GLRA2: variants seen among roughly 807,000 people sequenced by gnomAD.
GLRA2 encodes glycine receptor alpha 2.
In GLRA2, 11 loss-of-function variants were observed where a neutral mutation model predicts 31.6. The observed-to-expected ratio is 0.35, with a 90% confidence interval of 0.22 to 0.58. The LOEUF (loss-of-function observed/expected upper bound fraction) is 0.58, where lower values mean the gene tolerates loss of function less well. GLRA2 is among the 20% of genes least tolerant of loss of function. The pLI is 0.84. For missense variants in GLRA2, 212 were observed against 351.8 expected (o/e 0.60, Z 3.18); for synonymous variants, 132 against 134.0 (o/e 0.99, Z 0.10).
chrX:14,682,399 T>G lies in GLRA2; in HGVS notation c.931-8311T>G, dbSNP rs1308886301. Among the ~76,000 whole-genome samples the G allele has an allele frequency of 5.4e-5, 6 of 111,232 alleles. No homozygotes were observed. The East Asian group carries it at 1.7e-3, about 31-fold the overall frequency. On this transcript the variant is annotated intron_variant, in intron 7 of 8. Coordinates refer to ENST00000218075, the MANE Select transcript of GLRA2 (RefSeq NM_002063.4). Reference sequence around the variant, plus strand: ...AGGTGGTGATCTTAAAAATAATAATTAGAATATATTATGATTGTGGGTGAG... The same window carrying G: ...AGGTGGTGATCTTAAAAATAATAATGAGAATATATTATGATTGTGGGTGAG...
intron 5 of GLRA2, among the ~76,000 whole-genome samples, chrX:14,605,460 TC>T (rs1357515691): frequency 9.0e-6 from 1 of 111,501 alleles, no homozygotes; most frequent in Non-Finnish European, 1.9e-5. Flanking sequence ...TTCATTTTTT[TC>T]CTTATTGCTC....
chrX:14,583,509 T>C (rs1290270990), intron 4 of GLRA2, among the ~76,000 whole-genome samples: 1 of 111,964 alleles, frequency 8.9e-6, no homozygotes, highest in Non-Finnish European at 1.9e-5. Context: ...GAGGCCGAAA[T>C]GGGTGGATCA....
chrX:14,712,467 T>C (rs1437295281), intron 8 of GLRA2, among the ~76,000 whole-genome samples: 1 of 111,171 alleles, frequency 9.0e-6, no homozygotes, highest in East Asian at 2.8e-4. Flanking sequence ...TCCTTGTTTC[T>C]GTCCAACGCT....
In GLRA2 at chrX:14,730,645, A is replaced by G. The variant is rs1440063732; in HGVS notation, c.*160A>G. The G allele has an allele frequency of 1.1e-5, 5 of 441,828 alleles. No individual in the cohort carries two copies. Among genetic ancestry groups the G allele is most frequent in the Non-Finnish European group, 2.0e-5 (5 of 254,286 alleles). The allele number at this position is 441,828 out of a possible 1,213,427, so 36.4% of individuals were successfully genotyped here. The stretch of plus-strand genomic sequence containing the variant: ...CTGGCACCTACATGAAAAAAAAGAC[A>G]AGTTATATGGGTGATGAAGAAAACT... On this transcript the variant is annotated 3_prime_UTR_variant, in exon 9 of 9. Transcript: ENST00000218075.
the GLRA2 span, among the ~76,000 whole-genome samples, chrX:14,460,230 T>A: frequency 3.6e-5 from 4 of 111,778 alleles, no homozygotes; most frequent in Non-Finnish European, 5.6e-5. Flanking sequence ...GCCGATTTGA[T>A]TGTGGTGGAT....
At chrX:14,521,018 A>C in the GLRA2 span, among the ~76,000 whole-genome samples, 1 of 112,705 alleles carries the variant, frequency 8.9e-6, no homozygotes, top group African/African-American at 3.2e-5. Flanking sequence ...AATGCAAGGA[A>C]ATAAAGGACA....
chrX:14,556,572 T>C (rs2089645392), intron 2 of GLRA2, among the ~76,000 whole-genome samples: 1 of 112,018 alleles, frequency 8.9e-6, no homozygotes, highest in Non-Finnish European at 1.9e-5. Context: ...GTTCTCAACC[T>C]GAAGGTTCCA....
At chrX:14,508,395 AAAC>A in the GLRA2 span, among the ~76,000 whole-genome samples, 1 of 112,439 alleles carries the variant, frequency 8.9e-6, no homozygotes, top group Non-Finnish European at 1.9e-5. Flanking sequence ...AATCTAAAGA[AAAC>A]AATCAATTCT....
chrX:14,469,730 G>T, the GLRA2 span, among the ~76,000 whole-genome samples: 1 of 101,981 alleles, frequency 9.8e-6, no homozygotes, highest in Non-Finnish European at 2.0e-5. Flanking sequence ...AGCTTTAGGA[G>T]ATATACCTAA....
the GLRA2 span, among the ~76,000 whole-genome samples, chrX:14,463,335 G>A: frequency 3.6e-5 from 4 of 111,637 alleles, no homozygotes; most frequent in Non-Finnish European, 5.7e-5. Flanking sequence ...TAGTCTATTC[G>A]TTATCAAAGC....
chrX:14,612,783 A>G (rs1233243090), intron 7 of GLRA2, among the ~76,000 whole-genome samples: 1 of 93,664 alleles, frequency 1.1e-5, no homozygotes, highest in Non-Finnish European at 2.1e-5. Flanking sequence ...ATGAGAATAC[A>G]TGGACACGGG....
intron 1 of GLRA2, among the ~76,000 whole-genome samples, chrX:14,531,705 T>G (rs1337608094): frequency 9.0e-6 from 1 of 111,426 alleles, no homozygotes; most frequent in Non-Finnish European, 1.9e-5. Context: ...CTTTTAGATA[T>G]CACATTGAAA....
At chrX:14,588,120 T>G (rs2090102090) in intron 4 of GLRA2, among the ~76,000 whole-genome samples, 1 of 111,187 alleles carries the variant, frequency 9.0e-6, no homozygotes. Context: ...TTGGCCAGGC[T>G]GGTCTCGAAC....
chrX:14,460,886 C>T, the GLRA2 span, among the ~76,000 whole-genome samples: 5 of 110,008 alleles, frequency 4.5e-5, no homozygotes, highest in African/African-American at 1.7e-4. Context: ...TTAGTTATTT[C>T]TTGTCTTCTG....
At chrX:14,504,432 T>C in the GLRA2 span, among the ~76,000 whole-genome samples, 212 of 111,513 alleles carry the variant, frequency 1.9e-3, 1 homozygote, top group African/African-American at 6.0e-3. Flanking sequence ...GTTTTTGTTT[T>C]TGAAAAAGAA....
intron 7 of GLRA2, among the ~76,000 whole-genome samples, chrX:14,638,595 G>C (rs1274837823): frequency 9.0e-6 from 1 of 111,130 alleles, no homozygotes; most frequent in East Asian, 2.8e-4. Flanking sequence ...CTAGATGAAA[G>C]TAATTTTATG....
At chrX:14,700,767 A>G (rs1220473281) in intron 8 of GLRA2, among the ~76,000 whole-genome samples, 1 of 110,428 alleles carries the variant, frequency 9.1e-6, no homozygotes, top group East Asian at 2.9e-4. Flanking sequence ...CATATAGGCC[A>G]TGGATTTTTT....
chrX:14,609,245 C>T, intron 7 of GLRA2, 40 bp downstream of exon 7: 1 of 915,231 alleles, frequency 1.1e-6, no homozygotes. Context: ...ATGAAAGCTT[C>T]CCAAAGGTCT....
At chrX:14,504,733 G>C in the GLRA2 span, among the ~76,000 whole-genome samples, 4 of 112,384 alleles carry the variant, frequency 3.6e-5, no homozygotes, top group East Asian at 2.8e-4. Context: ...CCAAAGAGAT[G>C]CTAACTATTA....
Sources: allele counts gnomAD v4.1 joint callset (sites outside exome capture counted in the v4.1 genomes callset), GRCh38; gene constraint gnomAD v4.1.1; transcripts MANE v1.5; gene names NCBI Gene and HGNC (gene_info 2026-07-23, HGNC 2026-07-21).